Variants in TM2D3 observed in about 807,000 individuals in gnomAD.
The protein encoded by TM2D3 is TM2 domain containing 3.
In TM2D3, 33 loss-of-function variants were observed where a neutral mutation model predicts 27.3. The observed-to-expected ratio is 1.21, with a 90% CI of 0.92 to 1.61. The LOEUF is 1.61. Among genes scored for constraint, TM2D3 ranks in the 40% most tolerant of loss-of-function variants. The probability of loss-of-function intolerance (pLI) is 0.00; values close to 1 mark genes in which losing one functional copy is unlikely to be tolerated. For synonymous variants in TM2D3, 138 were observed against 122.2 expected, an observed-to-expected ratio of 1.13 and a Z score of -0.85; for missense variants, 364 against 320.8, an observed-to-expected ratio of 1.13 and a Z score of -1.03.
chr15:101,651,485 A>G (rs1204849937), intron 2 of TM2D3: 7 of 486,420 alleles, frequency 1.4e-5, no homozygotes, highest in Non-Finnish European at 2.5e-5. Context: ...GGATTGGAAA[A>G]AGAGAGGAGG....
chr15:101,647,701 ATCT>A (rs1371745804), intron 3 of TM2D3, among the ~76,000 whole-genome samples: 1 of 152,180 alleles, frequency 6.6e-6, no homozygotes, highest in Non-Finnish European at 1.5e-5. Flanking sequence ...ACCACTTTTA[ATCT>A]TCTTTCCGTT....
downstream of TM2D3, among the ~76,000 whole-genome samples, chr15:101,638,288 A>AC (rs777010017): frequency 1.4e-4 from 19 of 139,950 alleles, no homozygotes; most frequent in African/African-American, 3.5e-4. Context: ...CACCAGTGAG[A>AC]CCCCCCCACC....
Position 101,633,729 on chromosome 15 carries a change from C to T in TM2D3, c.501-1G>A, listed in dbSNP as rs978794852. The T allele has an allele frequency of 4.6e-6, 7 of 1,529,234 alleles. No homozygotes were observed. The highest frequency in any genetic ancestry group is 6.1e-6 in the Non-Finnish European group (7 of 1,142,290). The allele number at this position is 1,529,234 out of a possible 1,614,324, so 94.7% of individuals were successfully genotyped here. A position where few individuals can be genotyped will look rare whatever the true frequency, so the allele number is the denominator to read the frequency against. On this transcript the variant is annotated splice_acceptor_variant, in intron 4 of 4. Coordinates refer to the TM2D3 transcript ENST00000428002. LOFTEE classifies it high-confidence loss of function. ...ATGAAGCCCCACCTGGGCCTGCAGA[C>T]TATACCCAAAAAGAAGAAGAATTTA...
intron 1 of TM2D3, chr15:101,652,021 C>G: frequency 1.7e-6 from 1 of 580,776 alleles, no homozygotes; most frequent in South Asian, 2.1e-5. Flanking sequence ...CGGCCCAGCC[C>G]CCAAGCGCTC....
intron 4 of TM2D3, chr15:101,636,825 T>C (rs748905947): frequency 2.6e-5 from 9 of 348,580 alleles, no homozygotes; most frequent in Non-Finnish European, 3.5e-5. Context: ...TTCTCATCAA[T>C]ACTTGTTATT....
intron 5 of TM2D3, among the ~76,000 whole-genome samples, chr15:101,643,599 T>TAAAAAAAAAAAAAAAAAAAA (rs1158728522): frequency 2.1e-5 from 1 of 47,330 alleles, no homozygotes; most frequent in Non-Finnish European, 3.9e-5. Context: ...GAGACTCCGT[T>TAAAAAAAAAAAAAAAAAAAA]AAAAAAAAAA....
chr15:101,638,415 C>A (rs1896596700), downstream of TM2D3, among the ~76,000 whole-genome samples: 1 of 152,102 alleles, frequency 6.6e-6, no homozygotes, highest in Admixed American at 6.5e-5. Flanking sequence ...CTGCCTCAGC[C>A]TCCTGAGTAG....
At position 101,651,815 on chromosome 15, in the gene TM2D3, G is replaced by A. The variant is rs113281436; in HGVS notation, c.92-42C>T. On this transcript the variant is annotated intron_variant, in intron 1 of 5. Transcript: ENST00000333202. ...TACAATTAGAGAAACACGTTATCCCGGGACAAGAAAACCTTATTTTGTGTG... is the reference window on the plus strand; with the variant it reads ...TACAATTAGAGAAACACGTTATCCCAGGACAAGAAAACCTTATTTTGTGTG... The A allele has an allele frequency of 1.9e-5, 30 of 1,605,510 alleles. No homozygotes were observed. The African/African-American group carries it at 1.9e-4, about 10-fold the overall frequency.
chr15:101,643,810 T>A (rs2141362816), intron 5 of TM2D3, among the ~76,000 whole-genome samples: 1 of 152,148 alleles, frequency 6.6e-6, no homozygotes, highest in East Asian at 1.9e-4. Flanking sequence ...TTTATTTTTT[T>A]AAAAAGCCAG....
intron 4 of TM2D3, chr15:101,636,255 A>T (rs926437978): frequency 1.3e-5 from 2 of 152,052 alleles, no homozygotes; most frequent in African/African-American, 4.8e-5. Context: ...AAAACCTAAA[A>T]TAACAATAGA....
intron 4 of TM2D3, chr15:101,646,425 C>CACTCAGGCACTCAGGCACT: frequency 6.5e-6 from 1 of 153,524 alleles, no homozygotes; most frequent in Non-Finnish European, 1.5e-5. Flanking sequence ...ACTCAGGCGG[C>CACTCAGGCACTCAGGCACT]CGCAATGGTA....
At chr15:101,643,933 T>G (rs1367965020) in intron 5 of TM2D3, among the ~76,000 whole-genome samples, 1 of 152,080 alleles carries the variant, frequency 6.6e-6, no homozygotes, top group Non-Finnish European at 1.5e-5. Context: ...CACTGCAGCC[T>G]CCTCCTCCTG....
intron 2 of TM2D3, chr15:101,650,487 G>C (rs768061401): frequency 1.6e-5 from 3 of 181,914 alleles, no homozygotes; most frequent in Non-Finnish European, 3.4e-5. Context: ...CTATCATTTT[G>C]TAAGTTGAAA....
At chr15:101,639,101 A>G (rs1896612080), downstream of TM2D3, among the ~76,000 whole-genome samples, 2 of 152,214 alleles carry the variant, frequency 1.3e-5, no homozygotes, top group African/African-American at 2.4e-5. Context: ...CAATTTCAAT[A>G]CATTTAAAAG....
intron 3 of TM2D3, among the ~76,000 whole-genome samples, chr15:101,647,803 C>A (rs550417636): frequency 6.6e-6 from 1 of 152,178 alleles, no homozygotes; most frequent in East Asian, 1.9e-4. Context: ...CATTACATTG[C>A]AGTGCATATT....
At chr15:101,637,173 A>G (rs1347159085), downstream of TM2D3, among the ~76,000 whole-genome samples, 1 of 152,224 alleles carries the variant, frequency 6.6e-6, no homozygotes, top group African/African-American at 2.4e-5. Context: ...CTAATTGGCA[A>G]TTGGTTGAAA....
intron 4 of TM2D3, 99 bp downstream of exon 4, chr15:101,646,626 C>CT: frequency 1.5e-6 from 2 of 1,319,114 alleles, no homozygotes; most frequent in Non-Finnish European, 2.2e-6. Flanking sequence ...ATAAATGTTT[C>CT]TAATTAAGTA....
rs555807320 is a variant in TM2D3, at chr15:101,643,195, C to T, written c.579-551G>A. On this transcript the variant is annotated intron_variant, in intron 5 of 5. Transcript: ENST00000333202. ...AGTAAAGAGAACAGTACCCATGACT[C>T]AGCTCCAATAATCAACACTTGGCCA... 1.1e-4 allele frequency among the ~76,000 whole-genome samples: 16 copies of T among 152,286 alleles called. No homozygotes were observed. The South Asian group carries it at 3.3e-3, about 32-fold the overall frequency.
At chr15:101,647,026 C>T in intron 3 of TM2D3, 127 bp from the exon 4 acceptor site, 1 of 918,420 alleles carries the variant, frequency 1.1e-6, no homozygotes, top group Non-Finnish European at 1.7e-6. Context: ...GGAGTAAGTG[C>T]CAGAAAAACA....
Sources: allele counts gnomAD v4.1 joint callset (sites outside exome capture counted in the v4.1 genomes callset), GRCh38; gene constraint gnomAD v4.1.1; transcripts MANE v1.5; gene names NCBI Gene and HGNC (gene_info 2026-07-23, HGNC 2026-07-21).